SLC22A4: variants seen among roughly 807,000 people sequenced by gnomAD.
The protein encoded by SLC22A4 is ET transporter.
In SLC22A4, 39 loss-of-function variants were observed where a neutral mutation model predicts 56.6. The ratio of observed to expected loss-of-function variants is 0.69; its 90% confidence interval spans 0.53 to 0.90. The LOEUF (loss-of-function observed/expected upper bound fraction) is 0.90. Among genes scored for constraint, SLC22A4 ranks in the 40% least tolerant of loss-of-function variants. The pLI is 0.00. For synonymous variants in SLC22A4, 241 were observed against 281.4 expected (o/e 0.86, Z 1.44); for missense variants, 594 against 696.5 (o/e 0.85, Z 1.66).
intron 1 of SLC22A4, chr5:132,295,387 C>G (rs1749758745): frequency 4.3e-6 from 2 of 465,952 alleles, no homozygotes; most frequent in African/African-American, 4.0e-5. Flanking sequence ...GTGTGAGGGA[C>G]CTTGTTACTG....
Position 132,329,827 on chromosome 5 carries a change from C to A in SLC22A4, c.952-1929C>A, listed in dbSNP as rs565610231. Among the ~76,000 whole-genome samples, 52 of 152,192 alleles carry A rather than the reference C, an allele frequency of 3.4e-4. 1 individual carries two copies. Among genetic ancestry groups the A allele is most frequent in the Non-Finnish European group, 6.6e-4 (45 of 68,044 alleles). On this transcript the variant is annotated intron_variant, in intron 5 of 9. Coordinates refer to ENST00000200652, the MANE Select transcript of SLC22A4 (RefSeq NM_003059.3). ...CTTGTTCTGAGGTTTCCAATCCTGGCTGCTCATCACAATCACCCAAGTGCT... is the reference window on the plus strand; with the variant it reads ...CTTGTTCTGAGGTTTCCAATCCTGGATGCTCATCACAATCACCCAAGTGCT...
In SLC22A4 at chr5:132,343,826, T is replaced by C. The variant is rs116837840; in HGVS notation, c.1647T>C (p.Thr549=). The change falls in exon 10 of 10, where the codon ACT becomes ACC. Residue 549 remains threonine, a synonymous_variant. Coordinates refer to ENST00000200652, the MANE Select transcript of SLC22A4 (RefSeq NM_003059.3). ...ETEENPKVLI[T]AF ...AAGAAAATCCCAAGGTTCTAATAAC[T>C]GCATTCTGAAAAAATATCTACCCCA... The C allele has an allele frequency of 2.3e-4, 371 of 1,599,130 alleles. No individual in the cohort carries two copies. Among genetic ancestry groups the C allele is most frequent in the Non-Finnish European group, 3.0e-4 (353 of 1,167,598 alleles).
intron 9 of SLC22A4, among the ~76,000 whole-genome samples, chr5:132,341,947 C>CAA (rs397780145): frequency 6.9e-6 from 1 of 144,806 alleles, no homozygotes; most frequent in African/African-American, 2.6e-5. Flanking sequence ...ACTCCGTCTC[C>CAA]AAAAAAAAAA....
intron 8 of SLC22A4, among the ~76,000 whole-genome samples, chr5:132,339,788 G>A (rs1282361389): frequency 6.6e-6 from 1 of 152,184 alleles, no homozygotes; most frequent in Non-Finnish European, 1.5e-5. Context: ...AGGCCTCAGA[G>A]AAGCTGCAAT....
intron 3 of SLC22A4, among the ~76,000 whole-genome samples, chr5:132,316,304 C>T (rs1354024045): frequency 6.6e-6 from 1 of 152,122 alleles, no homozygotes; most frequent in Non-Finnish European, 1.5e-5. Flanking sequence ...ACAGTGCTAC[C>T]CTACACAGCA....
rs114250367 is a variant in SLC22A4 at position 132,303,120 on chromosome 5, C to T, written c.393+8111C>T. On this transcript the variant is annotated intron_variant, in intron 1 of 9. Coordinates refer to ENST00000200652, the MANE Select transcript of SLC22A4 (RefSeq NM_003059.3). ...CTCTGATAACTCAGCAATAAAAAGA[C>T]AACCTGATTTAAAAATGGATAAAAT... Among the ~76,000 whole-genome samples the T allele has an allele frequency of 4.6e-3, 708 of 152,288 alleles. 2 individuals carry two copies. The highest frequency in any genetic ancestry group is 7.8e-3 in the Non-Finnish European group (528 of 68,022).
chr5:132,333,537 G>C (rs1750925759), intron 6 of SLC22A4, among the ~76,000 whole-genome samples: 1 of 152,196 alleles, frequency 6.6e-6, no homozygotes, highest in Non-Finnish European at 1.5e-5. Context: ...CTTTGAGTTG[G>C]AAATTGACTG....
intron 3 of SLC22A4, among the ~76,000 whole-genome samples, chr5:132,319,474 C>A (rs1000677220): frequency 1.1e-4 from 17 of 152,124 alleles, no homozygotes; most frequent in African/African-American, 4.1e-4. Context: ...ATCCATAGAG[C>A]AAATAAGGCT....
In SLC22A4 at chr5:132,295,365, A is replaced by G. The variant is rs1227252925; in HGVS notation, c.393+356A>G. 3 of 513,328 alleles carry G rather than the reference A, an allele frequency of 5.8e-6. No individual in the cohort carries two copies. The East Asian group carries it at 1.5e-4, about 26-fold the overall frequency. 31.8% of individuals were successfully genotyped at this position (513,328 alleles called of 1,614,324 possible). Reference sequence around the variant, plus strand: ...TGCCTGAGTCACCTTCCTGCCAGGCATGGGAGGAGGGGTGTGAGGGACCTT... The same window carrying G: ...TGCCTGAGTCACCTTCCTGCCAGGCGTGGGAGGAGGGGTGTGAGGGACCTT... On this transcript the variant is annotated intron_variant, in intron 1 of 9. Coordinates refer to ENST00000200652, the MANE Select transcript of SLC22A4 (RefSeq NM_003059.3).
At chr5:132,308,041 A>C (rs755071069) in intron 1 of SLC22A4, among the ~76,000 whole-genome samples, 3 of 152,196 alleles carry the variant, frequency 2.0e-5, no homozygotes, top group Non-Finnish European at 4.4e-5. Flanking sequence ...TTAAGCACCC[A>C]CTGTGTGCCT....
chr5:132,325,752 T>C (rs1750669529), intron 4 of SLC22A4, among the ~76,000 whole-genome samples: 1 of 152,172 alleles, frequency 6.6e-6, no homozygotes, highest in Non-Finnish European at 1.5e-5. Flanking sequence ...TCAATACACC[T>C]AACCTACTGA....
chr5:132,318,103 T>C (rs1750414720), intron 3 of SLC22A4, among the ~76,000 whole-genome samples: 1 of 152,214 alleles, frequency 6.6e-6, no homozygotes, highest in African/African-American at 2.4e-5. Flanking sequence ...TAGGAAATGT[T>C]ACTTTTGACT....
chr5:132,333,665 T>C (rs1258814202), intron 6 of SLC22A4, among the ~76,000 whole-genome samples: 1 of 151,974 alleles, frequency 6.6e-6, no homozygotes, highest in Non-Finnish European at 1.5e-5. Flanking sequence ...AGGCTATAAT[T>C]GCACTTCTAA....
intron 9 of SLC22A4, among the ~76,000 whole-genome samples, chr5:132,343,114 CTA>C (rs1751271038): frequency 1.3e-5 from 2 of 152,158 alleles, no homozygotes; most frequent in South Asian, 4.1e-4. Flanking sequence ...TTTAGGATCT[CTA>C]TGTTAGGAGC....
At chr5:132,342,823 G>T (rs897254634) in intron 9 of SLC22A4, among the ~76,000 whole-genome samples, 2 of 152,226 alleles carry the variant, frequency 1.3e-5, no homozygotes, top group Non-Finnish European at 2.9e-5. Context: ...GAGTTAAGGT[G>T]CACTGCCCTC....
In SLC22A4 at chr5:132,298,333, A is replaced by G. The variant is rs1375919356; in HGVS notation, c.393+3324A>G. 2.6e-5 allele frequency among the ~76,000 whole-genome samples: 4 copies of G among 152,380 alleles called. No homozygotes were observed. In the East Asian group the frequency reaches 7.7e-4, roughly 29 times the overall value. On this transcript the variant is annotated intron_variant, in intron 1 of 9. Transcript: ENST00000200652. ...AAAGGAAGGACATGCTACAACGTGG[A>G]TAAACCTTGAGGAGACTACGCTTAG... is the stretch of plus-strand genomic sequence containing the variant.
chr5:132,335,856 A>G lies in SLC22A4; in HGVS notation c.1300A>G (p.Lys434Glu). ...ATCCATTGGTCTGGTCATGCTGGGA[A>G]AATTTGGGATCACCTCTGCTTTCTC... Reference protein sequence around the residue: ...FLSIGLVMLGKFGITSAFSML... With the variant: ...FLSIGLVMLGEFGITSAFSML... Residue 434 changes from lysine to glutamate, a missense_variant, in exon 8 of 10, where the codon AAA becomes GAA. Coordinates refer to ENST00000200652, the MANE Select transcript of SLC22A4 (RefSeq NM_003059.3). 1 of 1,614,146 alleles carries G rather than the reference A, an allele frequency of 6.2e-7. No individual in the cohort carries two copies. Among genetic ancestry groups the G allele is most frequent in the Non-Finnish European group, 8.5e-7 (1 of 1,180,024 alleles).
At chr5:132,327,468 T>C in intron 5 of SLC22A4, 65 bp downstream of exon 5, 2 of 1,438,270 alleles carry the variant, frequency 1.4e-6, no homozygotes, top group Admixed American at 3.4e-5. Context: ...GGAATTTAAC[T>C]TAATTCAATA....
chr5:132,312,845 G>A (rs1750220693), intron 2 of SLC22A4, among the ~76,000 whole-genome samples: 1 of 152,192 alleles, frequency 6.6e-6, no homozygotes, highest in African/African-American at 2.4e-5. Flanking sequence ...AGTGCAGGAA[G>A]GTGGGGGTAC....
Sources: allele counts gnomAD v4.1 joint callset (sites outside exome capture counted in the v4.1 genomes callset), GRCh38; gene constraint gnomAD v4.1.1; transcripts MANE v1.5; gene names NCBI Gene and HGNC (gene_info 2026-07-23, HGNC 2026-07-21).